Variants in TBC1D5 observed in about 807,000 individuals in gnomAD.
TBC1D5 encodes the protein TBC1 domain family, member 5.
TBC1D5 carries 75 observed loss-of-function variants against 100.3 expected under a neutral mutation model. The ratio of observed to expected loss-of-function variants is 0.75; its 90% confidence interval spans 0.62 to 0.91. The LOEUF (loss-of-function observed/expected upper bound fraction) is 0.91, where lower values mean the gene tolerates loss of function less well. Among genes scored for constraint, TBC1D5 ranks in the 40% least tolerant of loss-of-function variants. The pLI, the probability that TBC1D5 is intolerant of heterozygous loss-of-function variation, is 0.00. For synonymous variants in TBC1D5, 323 were observed against 325.6 expected, an observed-to-expected ratio of 0.99 and a Z score of 0.09; for missense variants, 910 against 942.4, an observed-to-expected ratio of 0.97 and a Z score of 0.45.
chr3:17,284,089 T>TACACACACACAC (rs58307801), intron 15 of TBC1D5, among the ~76,000 whole-genome samples: 9,779 of 132,604 alleles, frequency 0.074, 423 homozygotes, highest in Non-Finnish European at 0.076. Context: ...CTCATTATTT[T>TACACACACACAC]ACACACACAC....
intron 1 of TBC1D5, among the ~76,000 whole-genome samples, chr3:17,656,922 C>A (rs186349576): frequency 6.6e-6 from 1 of 152,010 alleles, no homozygotes; most frequent in Non-Finnish European, 1.5e-5. Context: ...TGTCAAGGAG[C>A]GACAGGATGG....
intron 2 of TBC1D5, among the ~76,000 whole-genome samples, chr3:17,511,559 T>A (rs890594579): frequency 6.6e-6 from 1 of 151,996 alleles, no homozygotes. Context: ...CCCTCATCTT[T>A]ATGTTGTCAG....
chr3:17,501,964 C>T (rs141040735), intron 3 of TBC1D5, among the ~76,000 whole-genome samples: 2 of 149,772 alleles, frequency 1.3e-5, no homozygotes, highest in Non-Finnish European at 2.9e-5. Flanking sequence ...ACTAACTTAT[C>T]AAACAAGAGA....
chr3:17,182,678 T>C (rs2068580316), intron 19 of TBC1D5, among the ~76,000 whole-genome samples: 2 of 152,160 alleles, frequency 1.3e-5, no homozygotes, highest in Non-Finnish European at 2.9e-5. Flanking sequence ...AAACTATACA[T>C]TCATTTTAAA....
chr3:17,247,703 C>T (rs988251888), intron 16 of TBC1D5, among the ~76,000 whole-genome samples: 1 of 152,208 alleles, frequency 6.6e-6, no homozygotes, highest in Non-Finnish European at 1.5e-5. Context: ...TTACCCACAG[C>T]AGAACTTCTT....
intron 2 of TBC1D5, among the ~76,000 whole-genome samples, chr3:17,550,662 A>G (rs1227525622): frequency 2.0e-5 from 3 of 152,160 alleles, no homozygotes; most frequent in African/African-American, 7.2e-5. Context: ...TTATGGTAAA[A>G]CAAAATGTCA....
chr3:17,495,633 G>A (rs543586444), intron 3 of TBC1D5, among the ~76,000 whole-genome samples: 6 of 152,340 alleles, frequency 3.9e-5, no homozygotes, highest in African/African-American at 1.4e-4. Context: ...GAGTAGGCCA[G>A]ATAGAAGAAG....
chr3:17,327,615 T>C (rs2086310130), intron 13 of TBC1D5, among the ~76,000 whole-genome samples: 2 of 152,288 alleles, frequency 1.3e-5, no homozygotes, highest in Non-Finnish European at 2.9e-5. Context: ...TTCAGGTCTT[T>C]ACTCAAATGT....
intron 2 of TBC1D5, among the ~76,000 whole-genome samples, chr3:17,551,377 C>T (rs1201596587): frequency 3.9e-5 from 6 of 152,072 alleles, no homozygotes; most frequent in African/African-American, 1.4e-4. Context: ...TATTAAAATA[C>T]TCCTCTTTAA....
At chr3:17,583,110 C>A (rs9881089) in intron 2 of TBC1D5, among the ~76,000 whole-genome samples, 62,216 of 151,628 alleles carry the variant, frequency 0.41, 13,428 homozygotes, top group Middle Eastern at 0.49. Context: ...CATGGCAAAA[C>A]CCTGTCTCTA....
chr3:17,245,465 G>A (rs763258277), intron 16 of TBC1D5, among the ~76,000 whole-genome samples: 7 of 152,120 alleles, frequency 4.6e-5, no homozygotes, highest in African/African-American at 7.2e-5. Context: ...TGAATTTCAA[G>A]GGAAACATGT....
chr3:17,183,366 C>T (rs1054329229), intron 19 of TBC1D5, among the ~76,000 whole-genome samples: 4 of 151,990 alleles, frequency 2.6e-5, no homozygotes, highest in African/African-American at 9.7e-5. Context: ...AATAAAAAGT[C>T]TCCTTATACC....
intron 3 of TBC1D5, among the ~76,000 whole-genome samples, chr3:17,446,724 C>T (rs138763859): frequency 3.3e-5 from 5 of 152,198 alleles, no homozygotes; most frequent in African/African-American, 4.8e-5. Flanking sequence ...GTAATCCCAG[C>T]ACTTTGGGAG....
intron 18 of TBC1D5, among the ~76,000 whole-genome samples, chr3:17,195,505 C>A (rs1356241607): frequency 6.6e-6 from 1 of 152,164 alleles, no homozygotes; most frequent in African/African-American, 2.4e-5. Context: ...ATGGCTGGCC[C>A]AGATAGAAGG....
At chr3:17,612,820 A>C (rs1228356230) in intron 2 of TBC1D5, among the ~76,000 whole-genome samples, 1 of 152,052 alleles carries the variant, frequency 6.6e-6, no homozygotes, top group African/African-American at 2.4e-5. Flanking sequence ...GAACACGAAA[A>C]AAAAACAGTT....
intron 17 of TBC1D5, among the ~76,000 whole-genome samples, chr3:17,219,145 T>C (rs1257542927): frequency 6.6e-6 from 1 of 151,626 alleles, no homozygotes; most frequent in African/African-American, 2.4e-5. Context: ...TCAGTTGACA[T>C]ATATTCCAAG....
At chr3:17,465,668 A>G (rs1292758025) in intron 3 of TBC1D5, among the ~76,000 whole-genome samples, 5 of 152,232 alleles carry the variant, frequency 3.3e-5, no homozygotes, top group Non-Finnish European at 7.3e-5. Context: ...CACTTTATAA[A>G]TGTGAATAAA....
chr3:17,497,087 GAC>G (rs71049202), intron 3 of TBC1D5, among the ~76,000 whole-genome samples: 19,340 of 128,760 alleles, frequency 0.15, 1,410 homozygotes, highest in East Asian at 0.3. Flanking sequence ...CTCTCTCTCT[GAC>G]ACACACACAC....
At chr3:17,227,117 C>T (rs541575315) in intron 17 of TBC1D5, among the ~76,000 whole-genome samples, 2 of 152,182 alleles carry the variant, frequency 1.3e-5, no homozygotes, top group East Asian at 1.9e-4. Flanking sequence ...GTAGCAAAAG[C>T]GAACACTGAA....
Sources: allele counts gnomAD v4.1 joint callset (sites outside exome capture counted in the v4.1 genomes callset), GRCh38; gene constraint gnomAD v4.1.1; transcripts MANE v1.5; gene names NCBI Gene and HGNC (gene_info 2026-07-23, HGNC 2026-07-21).